Variants in AFF2 observed in about 807,000 individuals in gnomAD.
AFF2 encodes AF4/FMR2 family member 2.
In AFF2, 14 loss-of-function variants were observed where a neutral mutation model predicts 76.9. The observed-to-expected ratio is 0.18, with a 90% CI of 0.12 to 0.28. AFF2 has a LOEUF of 0.28. Ranked by LOEUF, AFF2 falls within the 10% of genes least tolerant of loss-of-function variation. The probability of loss-of-function intolerance (pLI) is 1.00; values close to 1 mark genes in which losing one functional copy is unlikely to be tolerated. For synonymous variants in AFF2, 398 were observed against 366.7 expected (o/e 1.09, Z -0.98); for missense variants, 868 against 1,001.1 (o/e 0.87, Z 1.79).
At chrX:148,601,056 G>A (rs1557248001) in intron 1 of AFF2, among the ~76,000 whole-genome samples, 4 of 112,386 alleles carry the variant, frequency 3.6e-5, no homozygotes. Context: ...GCCATGGAAA[G>A]GAGTTACATT....
intron 1 of AFF2, among the ~76,000 whole-genome samples, chrX:148,607,610 T>C (rs1039005565): frequency 1.8e-5 from 2 of 111,516 alleles, no homozygotes; most frequent in African/African-American, 6.5e-5. Context: ...CATAGCAGTA[T>C]GAAAATGGAC....
chrX:148,756,086 A>G (rs956373953), intron 3 of AFF2, among the ~76,000 whole-genome samples: 1 of 112,351 alleles, frequency 8.9e-6, no homozygotes, highest in African/African-American at 3.2e-5. Context: ...ACATTCAGGA[A>G]CTGTCTCTTT....
chrX:148,688,998 G>C (rs782366705), intron 3 of AFF2, among the ~76,000 whole-genome samples: 1 of 112,085 alleles, frequency 8.9e-6, no homozygotes, highest in Admixed American at 9.4e-5. Flanking sequence ...TAGTTTGTTA[G>C]GTTGGCTATA....
intron 3 of AFF2, among the ~76,000 whole-genome samples, chrX:148,663,529 G>A (rs782159728): frequency 1.4e-4 from 16 of 112,427 alleles, no homozygotes; most frequent in African/African-American, 4.2e-4. Context: ...GGAATGAATC[G>A]CTAATGATTG....
intron 2 of AFF2, among the ~76,000 whole-genome samples, chrX:148,656,857 A>C (rs782564034): frequency 9.0e-6 from 1 of 111,216 alleles, no homozygotes; most frequent in Admixed American, 9.5e-5. Flanking sequence ...ATCCTTATAC[A>C]TGGCGAATTT....
In AFF2 at chrX:148,843,351, A is replaced by T. The variant is rs782428729; in HGVS notation, c.1211-31A>T. ...ATAATCATTTGACAGTAGGAACATG[A>T]ACAGTAATTGTTTATATCTTTTCTT... On this transcript the variant is annotated intron_variant, in intron 6 of 20. Coordinates refer to ENST00000370460, the MANE Select transcript of AFF2 (RefSeq NM_002025.4). 1.3e-5 allele frequency: 15 copies of T among 1,154,187 alleles called. No individual in the cohort carries two copies. The East Asian group carries it at 4.5e-4, about 35-fold the overall frequency.
chrX:148,896,943 T>C (rs1319352379), intron 8 of AFF2, among the ~76,000 whole-genome samples: 1 of 108,640 alleles, frequency 9.2e-6, no homozygotes, highest in Admixed American at 1.0e-4. Context: ...ACTTCTCTTT[T>C]GATTAATGAG....
intron 16 of AFF2, 135 bp downstream of exon 16, chrX:148,973,742 C>T: frequency 1.5e-6 from 1 of 657,385 alleles, no homozygotes; most frequent in Admixed American, 4.4e-5. Context: ...ATAATTAGTT[C>T]TTGCCATTTT....
chrX:148,985,200 G>C (rs1395610042), intron 19 of AFF2, among the ~76,000 whole-genome samples: 1 of 101,643 alleles, frequency 9.8e-6, no homozygotes, highest in Admixed American at 1.1e-4. Flanking sequence ...GGCCAGGCTG[G>C]TTTTCGAACT....
At chrX:148,848,698 A>T (rs1557274995) in intron 7 of AFF2, among the ~76,000 whole-genome samples, 1 of 112,493 alleles carries the variant, frequency 8.9e-6, no homozygotes, top group African/African-American at 3.2e-5. Context: ...CTTGGAATTT[A>T]AAAATACTGC....
At chrX:148,501,736 G>A (rs2052355075) in intron 1 of AFF2, among the ~76,000 whole-genome samples, 1 of 113,452 alleles carries the variant, frequency 8.8e-6, no homozygotes, top group African/African-American at 3.2e-5. Context: ...ACCACTCAGG[G>A]GACCTTGGTT....
intron 4 of AFF2, among the ~76,000 whole-genome samples, chrX:148,811,375 C>T (rs1017447431): frequency 4.5e-5 from 5 of 111,130 alleles, no homozygotes; most frequent in Non-Finnish European, 7.5e-5. Context: ...ACCCAGCAAC[C>T]CCTCAGTCAT....
Position 148,991,215 on chromosome X carries a change from C to T in AFF2, c.3819C>T (p.Phe1273=). 1.8e-5 allele frequency: 21 copies of T among 1,195,847 alleles called. No homozygotes were observed. The highest frequency in any genetic ancestry group is 2.3e-5 in the Non-Finnish European group (20 of 886,537). The change falls in exon 21 of 21, where the codon TTC becomes TTT. Residue 1273 remains phenylalanine (F), a synonymous_variant. Transcript: ENST00000370460. ...ADKLTRENKE[F]FGDLDTLMGP... is the part of the protein sequence containing the mutation. ...GAGAACTGCTCTGCTTTTCAGAATTCTTTGGTGATCTGGACACGCTGATGG... is the reference window on the plus strand; with the variant it reads ...GAGAACTGCTCTGCTTTTCAGAATTTTTTGGTGATCTGGACACGCTGATGG...
At chrX:148,613,267 G>A (rs1360598508) in intron 1 of AFF2, among the ~76,000 whole-genome samples, 1 of 111,881 alleles carries the variant, frequency 8.9e-6, no homozygotes, top group African/African-American at 3.2e-5. Flanking sequence ...TCCACAGGGA[G>A]GCCTTGGTGG....
chrX:148,932,313 A>T (rs2071723524), intron 9 of AFF2, among the ~76,000 whole-genome samples: 1 of 112,163 alleles, frequency 8.9e-6, no homozygotes, highest in Non-Finnish European at 1.9e-5. Context: ...TTCACAAGAA[A>T]CTATAGGCCT....
chrX:148,637,336 G>A (rs1557253989), intron 1 of AFF2, among the ~76,000 whole-genome samples: 2 of 112,015 alleles, frequency 1.8e-5, no homozygotes, highest in East Asian at 2.8e-4. Flanking sequence ...TAGATGGATG[G>A]GGAGAAATGA....
intron 3 of AFF2, among the ~76,000 whole-genome samples, chrX:148,807,696 C>T (rs1557271457): frequency 8.9e-6 from 1 of 112,598 alleles, no homozygotes; most frequent in African/African-American, 3.2e-5. Context: ...AGGCTGCCCA[C>T]TCTAATACAA....
intron 5 of AFF2, among the ~76,000 whole-genome samples, chrX:148,839,691 A>C (rs1225025271): frequency 1.8e-5 from 2 of 111,692 alleles, no homozygotes; most frequent in Non-Finnish European, 3.8e-5. Context: ...CCCTTTCCTC[A>C]GTGCTTCCAC....
At chrX:148,667,915 C>A (rs981976912) in intron 3 of AFF2, among the ~76,000 whole-genome samples, 76 of 112,209 alleles carry the variant, frequency 6.8e-4, no homozygotes, top group African/African-American at 2.2e-3. Flanking sequence ...AGTCTTAACT[C>A]ATTTCAGCAT....
Sources: allele counts gnomAD v4.1 joint callset (sites outside exome capture counted in the v4.1 genomes callset), GRCh38; gene constraint gnomAD v4.1.1; transcripts MANE v1.5; gene names NCBI Gene and HGNC (gene_info 2026-07-23, HGNC 2026-07-21).